KIZ: variants seen among roughly 807,000 people sequenced by gnomAD.
The protein encoded by KIZ is kizuna centrosomal protein.
Under a neutral mutation model 79.6 loss-of-function variants are expected in KIZ, and 68 were observed. That is an observed-to-expected ratio of 0.85 (90% CI 0.70 to 1.05). The LOEUF is 1.05. Ranked by LOEUF, KIZ falls within the 50% of genes least tolerant of loss-of-function variation. The pLI is 0.00. For synonymous variants in KIZ, 280 were observed against 281.8 expected (o/e 0.99, Z 0.06); for missense variants, 797 against 800.4 (o/e 1.00, Z 0.05).
chr20:21,128,009 T>C (rs1401935856), intron 1 of KIZ, among the ~76,000 whole-genome samples: 1 of 152,182 alleles, frequency 6.6e-6, no homozygotes, highest in East Asian at 1.9e-4. Context: ...ATGTACCTTT[T>C]TGTTTGTTTG....
At chr20:21,164,788 A>G (rs2033853610) in intron 6 of KIZ, among the ~76,000 whole-genome samples, 1 of 151,562 alleles carries the variant, frequency 6.6e-6, no homozygotes, top group Non-Finnish European at 1.5e-5. Flanking sequence ...TCCAGTATTT[A>G]TTGGAAAATA....
chr20:21,157,724 T>C (rs949406818), intron 4 of KIZ, among the ~76,000 whole-genome samples: 1 of 152,170 alleles, frequency 6.6e-6, no homozygotes, highest in African/African-American at 2.4e-5. Flanking sequence ...CAGGGGCACT[T>C]CCTTTGGCCC....
At chr20:21,193,406 C>T (rs547269209) in intron 6 of KIZ, among the ~76,000 whole-genome samples, 312 of 152,268 alleles carry the variant, frequency 2.0e-3, no homozygotes, top group African/African-American at 7.3e-3. Context: ...GTTTGCAATT[C>T]TGAGCCCAGC....
At chr20:21,128,178 A>G (rs990509922) in intron 1 of KIZ, among the ~76,000 whole-genome samples, 4 of 152,056 alleles carry the variant, frequency 2.6e-5, no homozygotes, top group Non-Finnish European at 5.9e-5. Context: ...AACCCCAGCT[A>G]ATTTTTGTAT....
intron 6 of KIZ, among the ~76,000 whole-genome samples, chr20:21,177,718 A>G (rs572975289): frequency 6.6e-6 from 1 of 152,202 alleles, no homozygotes; most frequent in Non-Finnish European, 1.5e-5. Context: ...TTCAGGTCTT[A>G]TATTTAAATC....
At chr20:21,235,586 C>G (rs1323083067) in intron 11 of KIZ, among the ~76,000 whole-genome samples, 9 of 152,176 alleles carry the variant, frequency 5.9e-5, no homozygotes, top group Non-Finnish European at 1.0e-4. Flanking sequence ...CCCCAGCAAG[C>G]GGTTTTCACT....
At chr20:21,185,652 C>G (rs866806276) in intron 6 of KIZ, among the ~76,000 whole-genome samples, 1 of 151,502 alleles carries the variant, frequency 6.6e-6, no homozygotes, top group Non-Finnish European at 1.5e-5. Flanking sequence ...CTCAAGTGAT[C>G]CACCCACCTT....
At chr20:21,137,249 T>C (rs1459731718) in intron 3 of KIZ, among the ~76,000 whole-genome samples, 2 of 152,154 alleles carry the variant, frequency 1.3e-5, no homozygotes, top group Non-Finnish European at 2.9e-5. Context: ...CTCTCTCTGG[T>C]TCTGGCACCT....
chr20:21,145,971 TAAAC>T (rs945999331), intron 4 of KIZ, among the ~76,000 whole-genome samples: 1 of 152,210 alleles, frequency 6.6e-6, no homozygotes. Flanking sequence ...AAATGAAAAG[TAAAC>T]AAAATATGGC....
At chr20:21,164,440 TTC>T (rs2033835689) in intron 6 of KIZ, among the ~76,000 whole-genome samples, 1 of 152,232 alleles carries the variant, frequency 6.6e-6, no homozygotes, top group Admixed American at 6.5e-5. Flanking sequence ...GTAATAATAC[TTC>T]TCTCATCAAA....
intron 6 of KIZ, among the ~76,000 whole-genome samples, chr20:21,173,060 A>C (rs940192812): frequency 6.6e-6 from 1 of 152,310 alleles, no homozygotes; most frequent in Non-Finnish European, 1.5e-5. Context: ...CACGTTGTGA[A>C]GGGTCAGTAG....
chr20:21,129,117 A>G (rs2031675077), intron 1 of KIZ, among the ~76,000 whole-genome samples: 1 of 152,202 alleles, frequency 6.6e-6, no homozygotes, highest in South Asian at 2.1e-4. Context: ...TCTGGTTTTT[A>G]GTATTAAATT....
chr20:21,151,546 A>T (rs16982516), intron 4 of KIZ: 2 of 152,142 alleles, frequency 1.3e-5, no homozygotes, highest in African/African-American at 4.8e-5. Context: ...GAAAAAGATA[A>T]ATTTTTGTGG....
At chr20:21,155,205 A>G (rs1355629613) in intron 4 of KIZ, among the ~76,000 whole-genome samples, 1 of 152,246 alleles carries the variant, frequency 6.6e-6, no homozygotes, top group Non-Finnish European at 1.5e-5. Flanking sequence ...AAGATTGGAC[A>G]CCAAAAGTGG....
At chr20:21,160,642 G>T (rs2033610733) in intron 4 of KIZ, among the ~76,000 whole-genome samples, 1 of 152,090 alleles carries the variant, frequency 6.6e-6, no homozygotes, top group Admixed American at 6.6e-5. Context: ...TAAGACACCT[G>T]TCATTCTTAG....
Position 21,181,462 on chromosome 20 carries a change from GT to G in KIZ, c.1352+18318del, listed in dbSNP as rs545371209. 1.8e-3 allele frequency among the ~76,000 whole-genome samples: 260 copies of G among 142,814 alleles called. 1 individual carries two copies. The South Asian group carries it at 0.02, about 11-fold the overall frequency. The allele number at this position is 142,814 out of a possible 152,430, so 93.7% of individuals were successfully genotyped here. ...AATTACTGAAAAGCCATCTATCCAA[GT>G]TTTTTTTTTTTTTTAGACAGGGTCT... is the stretch of plus-strand genomic sequence containing the variant. On this transcript the variant is annotated intron_variant, in intron 6 of 12. Coordinates refer to ENST00000619189, the MANE Select transcript of KIZ (RefSeq NM_018474.6).
intron 8 of KIZ, among the ~76,000 whole-genome samples, chr20:21,215,288 G>A (rs543551863): frequency 1.3e-5 from 2 of 152,330 alleles, no homozygotes; most frequent in African/African-American, 4.8e-5. Flanking sequence ...TGATGTACAT[G>A]TGCAGGATGT....
chr20:21,217,029 C>T (rs2123321276), intron 9 of KIZ, among the ~76,000 whole-genome samples: 1 of 152,152 alleles, frequency 6.6e-6, no homozygotes, highest in East Asian at 1.9e-4. Context: ...GGGCTGTTTG[C>T]CATTAAGATT....
intron 4 of KIZ, among the ~76,000 whole-genome samples, chr20:21,161,281 A>T (rs2033640870): frequency 6.6e-6 from 1 of 152,170 alleles, no homozygotes; most frequent in Non-Finnish European, 1.5e-5. Context: ...TATGTGGGTT[A>T]TATTTTCACT....
Sources: allele counts gnomAD v4.1 joint callset (sites outside exome capture counted in the v4.1 genomes callset), GRCh38; gene constraint gnomAD v4.1.1; transcripts MANE v1.5; gene names NCBI Gene and HGNC (gene_info 2026-07-23, HGNC 2026-07-21).